TJP3: variants seen among roughly 807,000 people sequenced by gnomAD.
TJP3 encodes the protein tight junction protein 3.
TJP3 carries 85 observed loss-of-function variants against 104.2 expected under a neutral mutation model. The ratio of observed to expected loss-of-function variants is 0.82; its 90% CI spans 0.68 to 0.98. The LOEUF (loss-of-function observed/expected upper bound fraction) is 0.98, where lower values mean the gene tolerates loss of function less well. TJP3 is among the 50% of genes least tolerant of loss of function. The pLI, the probability that TJP3 is intolerant of heterozygous loss-of-function variation, is 0.00. For missense variants in TJP3, 1,367 were observed against 1,322.8 expected, an observed-to-expected ratio of 1.03 and a Z score of -0.52; for synonymous variants, 550 against 550.6, an observed-to-expected ratio of 1.00 and a Z score of 0.02.
At position 3,720,901 on chromosome 19, in the gene TJP3, CTTTTT is replaced by C. The variant is rs370206267; in HGVS notation, c.-9-7508_-9-7504del. 7.9e-5 allele frequency among the ~76,000 whole-genome samples: 9 copies of C among 114,336 alleles called. No homozygotes were observed. In the East Asian group the frequency reaches 1.8e-3, roughly 23 times the overall value. 75.0% of individuals were successfully genotyped at this position (114,336 alleles called of 152,430 possible). On this transcript the variant is annotated intron_variant, in intron 1 of 20. Coordinates refer to ENST00000541714, the MANE Select transcript of TJP3 (RefSeq NM_001267560.2). ...TTCCCTTCTTTCCTTCCTTCCTTTTCTTTTTTTTTTTTTTTTTTTGAGACAGGGTC... is the reference window on the plus strand; with the variant it reads ...TTCCCTTCTTTCCTTCCTTCCTTTTCTTTTTTTTTTTTTTGAGACAGGGTC...
intron 14 of TJP3, among the ~76,000 whole-genome samples, chr19:3,741,630 G>GAT (rs550759524): frequency 7.6e-6 from 1 of 131,078 alleles, no homozygotes; most frequent in East Asian, 2.2e-4. Context: ...GTCTTCAAAA[G>GAT]AAAAAAAAAA....
intron 15 of TJP3, 141 bp downstream of exon 15, chr19:3,744,175 C>T: frequency 1.5e-6 from 1 of 671,266 alleles, no homozygotes; most frequent in Non-Finnish European, 2.6e-6. Flanking sequence ...ATACCCAAGC[C>T]AGACATCCTC....
At chr19:3,715,690 T>A (rs1421228487) in intron 1 of TJP3, among the ~76,000 whole-genome samples, 1 of 152,186 alleles carries the variant, frequency 6.6e-6, no homozygotes, top group African/African-American at 2.4e-5. Flanking sequence ...ATGGGGCCAT[T>A]CTGGGCAATG....
intron 1 of TJP3, among the ~76,000 whole-genome samples, chr19:3,727,203 G>C (rs146789958): frequency 8.5e-5 from 13 of 152,056 alleles, no homozygotes; most frequent in African/African-American, 2.7e-4. Flanking sequence ...TACATGTAAG[G>C]CTGGGCGCGG....
At chr19:3,722,767 C>T (rs1445355328) in intron 1 of TJP3, among the ~76,000 whole-genome samples, 1 of 151,502 alleles carries the variant, frequency 6.6e-6, no homozygotes, top group Admixed American at 6.6e-5. Context: ...TTCCTTGCCT[C>T]CAGGCACAGC....
Position 3,738,537 on chromosome 19 carries a change from G to A in TJP3, c.1285-18G>A. The A allele has an allele frequency of 6.2e-7, 1 of 1,607,560 alleles. No individual in the cohort carries two copies. On this transcript the variant is annotated intron_variant, in intron 11 of 20. Transcript: ENST00000541714. Reference sequence around the variant, plus strand: ...AGGTACCAGAGCTTTTTCTATAGCTGCACTTGCTTTCTGGCAGGTGAATGA... The same window carrying A: ...AGGTACCAGAGCTTTTTCTATAGCTACACTTGCTTTCTGGCAGGTGAATGA...
intron 1 of TJP3, among the ~76,000 whole-genome samples, chr19:3,726,035 C>T (rs183952859): frequency 2.5e-4 from 38 of 152,186 alleles, no homozygotes; most frequent in African/African-American, 8.7e-4. Flanking sequence ...TCGCTAGAGA[C>T]GCTGGAGCTT....
chr19:3,750,066 G>C, intron 19 of TJP3, 72 bp from the exon 20 acceptor site: 1 of 1,598,068 alleles, frequency 6.3e-7, no homozygotes, highest in Non-Finnish European at 8.6e-7. Context: ...GGATGGGATG[G>C]AGGTGGTTAT....
At chr19:3,733,029 T>TTTTTC (rs60518145) in intron 6 of TJP3, among the ~76,000 whole-genome samples, 85,456 of 149,896 alleles carry the variant, frequency 0.57, 25,472 homozygotes, top group Admixed American at 0.73. Flanking sequence ...TCTCTTCTCT[T>TTTTTC]TTTTCTTTTC....
chr19:3,748,036 G>A lies in TJP3; in HGVS notation c.2565G>A (p.Gln855=). 1 of 1,596,016 alleles carries A rather than the reference G, an allele frequency of 6.3e-7. No individual in the cohort carries two copies. Among genetic ancestry groups the A allele is most frequent in the Non-Finnish European group, 8.5e-7 (1 of 1,171,698 alleles). ...SSEPVQADES[Q]SPRDRGRISA... is the part of the protein sequence containing the mutation. The stretch of plus-strand genomic sequence containing the variant: ...AGCCCGTGCAGGCAGATGAGTCCCA[G>A]AGCCCGAGGGATCGTGGGAGAATCT... Residue 855 remains glutamine, a synonymous_variant, in exon 19 of 21, where the codon CAG becomes CAA. Transcript: ENST00000541714.
chr19:3,710,997 G>A (rs572133109), intron 1 of TJP3, among the ~76,000 whole-genome samples: 7 of 151,466 alleles, frequency 4.6e-5, no homozygotes, highest in Middle Eastern at 3.4e-3. Flanking sequence ...TCCGCCTCCC[G>A]GGTTCACGCC....
intron 1 of TJP3, among the ~76,000 whole-genome samples, chr19:3,715,739 T>A (rs549134603): frequency 4.6e-5 from 7 of 152,244 alleles, no homozygotes; most frequent in Admixed American, 6.5e-5. Flanking sequence ...CACTCACTCA[T>A]GCCAGGAGAA....
intron 3 of TJP3, among the ~76,000 whole-genome samples, chr19:3,728,930 G>A (rs2036635520): frequency 6.6e-6 from 1 of 152,178 alleles, no homozygotes; most frequent in African/African-American, 2.4e-5. Context: ...GCGTGTTCCT[G>A]TAATCCCAGC....
At chr19:3,736,690 C>A (rs527422998) in intron 11 of TJP3, among the ~76,000 whole-genome samples, 1 of 151,964 alleles carries the variant, frequency 6.6e-6, no homozygotes, top group African/African-American at 2.4e-5. Context: ...ATTCTTCTGC[C>A]TCACCTCCTG....
At chr19:3,749,081 A>T (rs553939372) in intron 19 of TJP3, among the ~76,000 whole-genome samples, 26 of 150,732 alleles carry the variant, frequency 1.7e-4, no homozygotes, top group African/African-American at 6.4e-4. Flanking sequence ...CACGCTGGCC[A>T]GGCTGGTCTC....
At chr19:3,745,076 C>A (rs890748315) in intron 15 of TJP3, among the ~76,000 whole-genome samples, 1 of 148,104 alleles carries the variant, frequency 6.8e-6, no homozygotes. Context: ...AGCAAAATCA[C>A]GTTTCTATAA....
chr19:3,734,781 CCTGTCTCTA>C, intron 8 of TJP3, among the ~76,000 whole-genome samples: 1 of 152,220 alleles, frequency 6.6e-6, no homozygotes, highest in South Asian at 2.1e-4. Flanking sequence ...GTGGTGAAAC[CCTGTCTCTA>C]CTAAGATACC....
intron 13 of TJP3, 68 bp downstream of exon 13, chr19:3,739,202 C>A: frequency 7.1e-7 from 1 of 1,405,514 alleles, no homozygotes; most frequent in African/African-American, 1.4e-5. Context: ...TAGAAATGGG[C>A]TCGATTGGGC....
rs148072172 is a variant in TJP3 at position 3,716,205 on chromosome 19, A to G, written c.-10+7644A>G. On this transcript the variant is annotated intron_variant, in intron 1 of 20. Transcript: ENST00000541714. ...CTCCTGCCTCAGCCTCCCGAGTAGC[A>G]GGGATTACAGGTGCCTGTCACTACG... Among the ~76,000 whole-genome samples the G allele has an allele frequency of 5.0e-3, 727 of 146,270 alleles. 27 individuals are homozygous for G. Among genetic ancestry groups the G allele is most frequent in the African/African-American group, 0.017 (699 of 40,862 alleles).
Sources: gnomAD v4.1 joint callset for allele counts (sites outside exome capture counted in the v4.1 genomes callset) on GRCh38, gnomAD v4.1.1 for gene constraint, MANE v1.5 for transcripts, NCBI Gene and HGNC (gene_info 2026-07-23, HGNC 2026-07-21) for gene names.